ASXL2: variants seen among roughly 807,000 people sequenced by gnomAD.
ASXL2 encodes ASXL transcriptional regulator 2.
ASXL2 carries 23 observed loss-of-function variants against 122.0 expected under a neutral mutation model. The ratio of observed to expected loss-of-function variants is 0.19; its 90% CI spans 0.14 to 0.27. The LOEUF is 0.27. Among genes scored for constraint, ASXL2 ranks in the 10% least tolerant of loss-of-function variants. ASXL2 has a pLI of 1.00. For missense variants in ASXL2, 1,518 were observed against 1,713.8 expected (o/e 0.89, Z 2.02); for synonymous variants, 650 against 637.0 (o/e 1.02, Z -0.31).
chr2:25,867,440 A>T (rs942576532), intron 1 of ASXL2, among the ~76,000 whole-genome samples: 2 of 152,138 alleles, frequency 1.3e-5, no homozygotes, highest in Non-Finnish European at 2.9e-5. Flanking sequence ...TCTACAAAAA[A>T]CAAAACAAAA....
chr2:25,854,398 G>A (rs952362313), intron 1 of ASXL2, among the ~76,000 whole-genome samples: 3 of 151,920 alleles, frequency 2.0e-5, no homozygotes, highest in African/African-American at 7.3e-5. Flanking sequence ...TTTTTTTTCA[G>A]ATGTGAAAAC....
At position 25,737,164 on chromosome 2, in the gene ASXL2, G is replaced by A. The variant is rs2087749899; in HGVS notation, c.*4865C>T. Reference sequence around the variant, plus strand: ...CTCTTTGACCTCTCCAGATTAGACGGGCAGGAAGGACATGACTGGCTATGA... The same window carrying A: ...CTCTTTGACCTCTCCAGATTAGACGAGCAGGAAGGACATGACTGGCTATGA... On this transcript the variant is annotated 3_prime_UTR_variant, in exon 13 of 13. Coordinates refer to ENST00000435504, the MANE Select transcript of ASXL2 (RefSeq NM_018263.6). The A allele has an allele frequency of 6.6e-6, 1 of 151,720 alleles. No individual in the cohort carries two copies. The highest frequency in any genetic ancestry group is 2.4e-5 in the African/African-American group (1 of 41,274). The allele number at this position is 151,720 out of a possible 1,614,324, so 9.4% of individuals were successfully genotyped here.
At chr2:25,803,903 G>T (rs2089037147) in intron 4 of ASXL2, among the ~76,000 whole-genome samples, 1 of 152,114 alleles carries the variant, frequency 6.6e-6, no homozygotes. Context: ...AGAATTGCTT[G>T]GTATGTGAGG....
chr2:25,862,824 T>C (rs1006268877), intron 1 of ASXL2, among the ~76,000 whole-genome samples: 4 of 152,062 alleles, frequency 2.6e-5, no homozygotes, highest in South Asian at 2.1e-4. Context: ...TAGGCTGGTC[T>C]TGAACTCCTG....
chr2:25,837,406 A>G (rs1189629568), intron 2 of ASXL2, among the ~76,000 whole-genome samples: 1 of 152,248 alleles, frequency 6.6e-6, no homozygotes, highest in Non-Finnish European at 1.5e-5. Flanking sequence ...TCAAGTTCTT[A>G]TCTGTTAGAT....
At chr2:25,818,018 T>C (rs563483970) in intron 3 of ASXL2, among the ~76,000 whole-genome samples, 41 of 152,330 alleles carry the variant, frequency 2.7e-4, no homozygotes, top group Non-Finnish European at 1.5e-4. Flanking sequence ...AAAAATTAGC[T>C]CTTCACTTAA....
At position 25,750,395 on chromosome 2, in the gene ASXL2, T is replaced by A; in HGVS notation, c.1161A>T (p.Glu387Asp). The change falls in exon 12 of 13, where the codon GAA becomes GAT. Residue 387 changes from glutamate (E) to aspartate (D), a missense_variant. Glu to Asp is a conservative substitution (Grantham distance 45). Transcript: ENST00000435504. ...GAGAAGCTGTCAATTTCTTAGAATC[T>A]TCAAGGCTCAGGCCAGAACTAAAAA... ...YYGQSSGLSL[E>D]DSKKLTASPS... is the part of the protein sequence containing the mutation. 1 of 1,606,102 alleles carries A rather than the reference T, an allele frequency of 6.2e-7. No individual in the cohort carries two copies. The highest frequency in any genetic ancestry group is 1.3e-5 in the African/African-American group (1 of 74,370).
intron 12 of ASXL2, among the ~76,000 whole-genome samples, chr2:25,749,396 T>G (rs982837643): frequency 2.0e-5 from 3 of 152,166 alleles, no homozygotes; most frequent in African/African-American, 7.2e-5. Flanking sequence ...TAAATTATAT[T>G]TGGTCTAAGA....
intron 5 of ASXL2, among the ~76,000 whole-genome samples, chr2:25,793,158 G>A (rs1045078917): frequency 2.0e-5 from 3 of 151,852 alleles, no homozygotes; most frequent in Non-Finnish European, 2.9e-5. Flanking sequence ...GCTTGAACCC[G>A]GGAGGCGAGG....
chr2:25,801,803 A>C (rs964274572), intron 4 of ASXL2, among the ~76,000 whole-genome samples: 1 of 152,088 alleles, frequency 6.6e-6, no homozygotes. Context: ...TCTTCCAAAC[A>C]ACCATAACCA....
intron 5 of ASXL2, among the ~76,000 whole-genome samples, chr2:25,776,388 C>T (rs2088546578): frequency 6.6e-6 from 1 of 152,124 alleles, no homozygotes; most frequent in African/African-American, 2.4e-5. Flanking sequence ...GCTTATGTCA[C>T]GTTTTGTCTA....
chr2:25,874,578 GA>G (rs1278206957), intron 1 of ASXL2, among the ~76,000 whole-genome samples: 5 of 152,020 alleles, frequency 3.3e-5, no homozygotes, highest in Non-Finnish European at 5.9e-5. Context: ...TTGAGCCCAG[GA>G]GATGGAAGTT....
At position 25,807,693 on chromosome 2, in the gene ASXL2, G is replaced by GA. The variant is rs202049007; in HGVS notation, c.144-1357dup. 2.4e-3 allele frequency among the ~76,000 whole-genome samples: 366 copies of GA among 151,808 alleles called. 4 individuals carry two copies. The highest frequency in any genetic ancestry group is 8.4e-3 in the African/African-American group (348 of 41,400). The stretch of plus-strand genomic sequence containing the variant: ...TTATTGAAGTAGTATGTTTCCGAGA[G>GA]AAAAAAAATCACCAAATGAATACCC... On this transcript the variant is annotated intron_variant, in intron 3 of 12. Transcript: ENST00000435504.
Position 25,799,523 on chromosome 2 carries a change from C to T in ASXL2, c.265G>A (p.Asp89Asn), listed in dbSNP as rs1224083456. ...CCTTCTGACAGCTCTTTCACCCCAT[C>T]CGGCACATCTTTCTGAAAATGTAGG... is the stretch of plus-strand genomic sequence containing the variant. The part of the protein sequence containing the change: ...GVYTLKKDVP[D>N]GVKELSEGSE... Residue 89 changes from aspartate to asparagine, a missense_variant, in exon 5 of 13, where the codon GAT (aspartate) becomes AAT (asparagine). By Grantham distance (23) the Asp-to-Asn change is conservative (BLOSUM62 1). Coordinates refer to ENST00000435504, the MANE Select transcript of ASXL2 (RefSeq NM_018263.6). 3.1e-6 allele frequency: 5 copies of T among 1,611,448 alleles called. No individual in the cohort carries two copies. The highest frequency in any genetic ancestry group is 3.4e-6 in the Non-Finnish European group (4 of 1,178,914).
chr2:25,832,263 A>T (rs1341464629), intron 3 of ASXL2, among the ~76,000 whole-genome samples: 2 of 152,234 alleles, frequency 1.3e-5, no homozygotes, highest in African/African-American at 2.4e-5. Context: ...CGGTTTCCAC[A>T]CTTCACTTAG....
chr2:25,743,257 T>C lies in ASXL2; in HGVS notation c.3080A>G (p.Lys1027Arg). Reference sequence around the variant, plus strand: ...GGGCCTTGGAACCTGGGGGAGCTGCTTACTTTGCAAGGTTTTGCCCAGCTG... The same window carrying C: ...GGGCCTTGGAACCTGGGGGAGCTGCCTACTTTGCAAGGTTTTGCCCAGCTG... Reference protein sequence around the residue: ...QQQLGKTLQSKQLPQVPRPLQ... With the variant: ...QQQLGKTLQSRQLPQVPRPLQ... Residue 1027 changes from lysine to arginine, a missense_variant, in exon 13 of 13, where the codon AAG (lysine) becomes AGG (arginine). By Grantham distance (26) the Lys-to-Arg change is conservative. Transcript: ENST00000435504. 1 of 1,613,744 alleles carries C rather than the reference T, an allele frequency of 6.2e-7. No homozygotes were observed. The highest frequency in any genetic ancestry group is 1.1e-5 in the South Asian group (1 of 91,064).
At chr2:25,773,984 C>A (rs1322633976) in intron 5 of ASXL2, among the ~76,000 whole-genome samples, 1 of 151,780 alleles carries the variant, frequency 6.6e-6, no homozygotes, top group African/African-American at 2.4e-5. Flanking sequence ...AAGCTGAGAT[C>A]ACGCCACTGT....
chr2:25,809,218 A>G (rs1414541382), intron 3 of ASXL2, among the ~76,000 whole-genome samples: 1 of 152,072 alleles, frequency 6.6e-6, no homozygotes, highest in East Asian at 1.9e-4. Context: ...TCCATTCTGC[A>G]GGCAGTTGAG....
chr2:25,856,128 G>C (rs7581694), intron 1 of ASXL2, among the ~76,000 whole-genome samples: 48,765 of 150,202 alleles, frequency 0.32, 8,398 homozygotes, highest in African/African-American at 0.42. Context: ...GCAATCTCGG[G>C]TCACTGCAAC....
Sources: allele counts gnomAD v4.1 joint callset (sites outside exome capture counted in the v4.1 genomes callset), GRCh38; gene constraint gnomAD v4.1.1; transcripts MANE v1.5; gene names NCBI Gene and HGNC (gene_info 2026-07-23, HGNC 2026-07-21).